Variants in BRINP3 observed in about 807,000 individuals in gnomAD.
BRINP3 encodes BMP/retinoic acid inducible neural specific 3.
BRINP3 carries 19 observed loss-of-function variants against 71.0 expected under a neutral mutation model. That is an observed-to-expected ratio of 0.27 (90% CI 0.19 to 0.39). The LOEUF is 0.39. Ranked by LOEUF, BRINP3 falls within the 10% of genes least tolerant of loss-of-function variation. The pLI, the probability that BRINP3 is intolerant of heterozygous loss-of-function variation, is 1.00. For missense variants in BRINP3, 959 were observed against 940.8 expected (o/e 1.02, Z -0.25); for synonymous variants, 380 against 337.7 (o/e 1.13, Z -1.37).
Position 190,098,465 on chromosome 1 carries a change from C to G in BRINP3, c.1854G>C (p.Trp618Cys). The G allele has an allele frequency of 6.2e-7, 1 of 1,614,134 alleles. No individual in the cohort carries two copies. Among genetic ancestry groups the G allele is most frequent in the African/African-American group, 1.3e-5 (1 of 75,030 alleles). ...TGTGTACTGTCTCAAAAAATGTCTT[C>G]CATTTGTTCCCCAGAGTTAATGTCC... is the stretch of plus-strand genomic sequence containing the variant. Reference protein sequence around the residue: ...YNWTLTLGNKWKTFFETVHIY... With the variant: ...YNWTLTLGNKCKTFFETVHIY... The change falls in exon 8 of 8, where the codon TGG becomes TGC. Residue 618 changes from tryptophan (W) to cysteine (C), a missense_variant. Transcript: ENST00000367462.
Position 190,226,965 on chromosome 1 carries a change from C to A in BRINP3, c.725-647G>T, listed in dbSNP as rs970529417. ...ATATAACTCATTAGTTTTCTAGAAACATGTTTAGTAAAGTTGCTATCTCTT... is the reference window on the plus strand; with the variant it reads ...ATATAACTCATTAGTTTTCTAGAAAAATGTTTAGTAAAGTTGCTATCTCTT... On this transcript the variant is annotated intron_variant, in intron 5 of 7. Transcript: ENST00000367462. Among the ~76,000 whole-genome samples the A allele has an allele frequency of 3.3e-5, 5 of 151,828 alleles. No individual in the cohort carries two copies. The Admixed American group carries it at 3.3e-4, about 10-fold the overall frequency.
chr1:190,337,250 A>G (rs10920698), intron 2 of BRINP3, among the ~76,000 whole-genome samples: 2,395 of 152,146 alleles, frequency 0.016, 58 homozygotes, highest in African/African-American at 0.054. Flanking sequence ...CCAGTTCCCT[A>G]TGCTTTGTTA....
At chr1:190,206,489 C>A (rs573472299) in intron 6 of BRINP3, among the ~76,000 whole-genome samples, 3 of 151,616 alleles carry the variant, frequency 2.0e-5, no homozygotes, top group Admixed American at 6.6e-5. Flanking sequence ...AGAAAAAAAA[C>A]GTGTATGTGT....
rs569706558 is a variant in BRINP3 at position 190,476,605 on chromosome 1, G to A, written c.-51+843C>T. 2.6e-5 allele frequency among the ~76,000 whole-genome samples: 4 copies of A among 152,252 alleles called. No homozygotes were observed. In the East Asian group the frequency reaches 7.7e-4, roughly 29 times the overall value. ...TATTAACATGCCTATTAAACACAAG[G>A]GTTGGGGGCAGACAAGTATGAAGAG... On this transcript the variant is annotated intron_variant, in intron 1 of 7. Transcript: ENST00000367462.
chr1:190,427,918 C>T (rs1442731434), intron 2 of BRINP3, among the ~76,000 whole-genome samples: 1 of 150,120 alleles, frequency 6.7e-6, no homozygotes, highest in East Asian at 2.0e-4. Context: ...CAAAAGACCA[C>T]AGTGTGTGCT....
chr1:190,218,743 C>T (rs1374690944), intron 6 of BRINP3, among the ~76,000 whole-genome samples: 2 of 152,028 alleles, frequency 1.3e-5, no homozygotes, highest in East Asian at 3.9e-4. Flanking sequence ...CCCCCACCCT[C>T]CTTGTCCCCT....
chr1:190,200,503 T>C (rs1021743224), intron 6 of BRINP3, among the ~76,000 whole-genome samples: 1 of 152,142 alleles, frequency 6.6e-6, no homozygotes, highest in Non-Finnish European at 1.5e-5. Flanking sequence ...ATATAACCTT[T>C]ATTTTTATAT....
intron 6 of BRINP3, among the ~76,000 whole-genome samples, chr1:190,211,628 A>G (rs1305930692): frequency 1.3e-5 from 2 of 152,132 alleles, no homozygotes; most frequent in Non-Finnish European, 2.9e-5. Context: ...GCCATCAAAA[A>G]ATGTCAAACT....
At chr1:190,470,470 T>C (rs1323780851) in intron 1 of BRINP3, among the ~76,000 whole-genome samples, 2 of 151,120 alleles carry the variant, frequency 1.3e-5, no homozygotes, top group Non-Finnish European at 3.0e-5. Context: ...GAATTTGTTT[T>C]GCTTTGGGTG....
At position 190,467,177 on chromosome 1, in the gene BRINP3, G is replaced by T. The variant is rs74130771; in HGVS notation, c.-51+10271C>A. ...AGTTATATTTACAGTATCAAAATTG[G>T]ACATGTGTGCAAATAAAATGAGTGA... is the stretch of plus-strand genomic sequence containing the variant. On this transcript the variant is annotated intron_variant, in intron 1 of 7. Transcript: ENST00000367462. Among the ~76,000 whole-genome samples, 567 of 151,430 alleles carry T rather than the reference G, an allele frequency of 3.7e-3. 4 individuals carry two copies. The highest frequency in any genetic ancestry group is 0.013 in the African/African-American group (527 of 41,438).
At chr1:190,466,502 G>C (rs755284806) in intron 1 of BRINP3, among the ~76,000 whole-genome samples, 12 of 151,774 alleles carry the variant, frequency 7.9e-5, no homozygotes, top group Non-Finnish European at 1.8e-4. Flanking sequence ...GATAAAAAGA[G>C]GTAGTACTTA....
intron 2 of BRINP3, among the ~76,000 whole-genome samples, chr1:190,316,750 A>C (rs1665908068): frequency 6.6e-6 from 1 of 152,160 alleles, no homozygotes; most frequent in Non-Finnish European, 1.5e-5. Flanking sequence ...CTAAGTCCTG[A>C]AAGAATTGTT....
At chr1:190,103,471 T>C (rs955433162) in intron 7 of BRINP3, among the ~76,000 whole-genome samples, 2 of 152,050 alleles carry the variant, frequency 1.3e-5, no homozygotes, top group Non-Finnish European at 2.9e-5. Context: ...GTGAACCAAG[T>C]TCCTGGGCCC....
intron 2 of BRINP3, among the ~76,000 whole-genome samples, chr1:190,370,276 A>C (rs1669775886): frequency 6.6e-6 from 1 of 152,192 alleles, no homozygotes; most frequent in South Asian, 2.1e-4. Flanking sequence ...AAAGTCTAAG[A>C]AGGAAATTAT....
chr1:190,445,520 AATTTG>A (rs1490918461), intron 2 of BRINP3, among the ~76,000 whole-genome samples: 6 of 152,038 alleles, frequency 3.9e-5, no homozygotes, highest in Admixed American at 1.3e-4. Flanking sequence ...TTTCTCATTA[AATTTG>A]ATTTAAGTAT....
chr1:190,168,192 G>A (rs1267185248), intron 6 of BRINP3, among the ~76,000 whole-genome samples: 1 of 143,126 alleles, frequency 7.0e-6, no homozygotes, highest in Non-Finnish European at 1.5e-5. Flanking sequence ...CCAGTGCCTT[G>A]AGGTCCTATT....
chr1:190,467,202 AC>A (rs1676816982), intron 1 of BRINP3, among the ~76,000 whole-genome samples: 1 of 151,562 alleles, frequency 6.6e-6, no homozygotes, highest in African/African-American at 2.4e-5. Flanking sequence ...AAAATGAGTG[AC>A]CAAGCATTAA....
intron 7 of BRINP3, among the ~76,000 whole-genome samples, chr1:190,140,523 T>C (rs1028019360): frequency 7.2e-5 from 11 of 152,284 alleles, no homozygotes; most frequent in Non-Finnish European, 1.0e-4. Flanking sequence ...ATTAATCTTA[T>C]GGCAAGCATA....
chr1:190,380,960 G>A (rs1670509850), intron 2 of BRINP3, among the ~76,000 whole-genome samples: 1 of 151,782 alleles, frequency 6.6e-6, no homozygotes, highest in South Asian at 2.1e-4. Flanking sequence ...TCTAAAACTA[G>A]GAAGTCCAGT....
Sources: gnomAD v4.1 joint callset for allele counts (sites outside exome capture counted in the v4.1 genomes callset) on GRCh38, gnomAD v4.1.1 for gene constraint, MANE v1.5 for transcripts, NCBI Gene and HGNC (gene_info 2026-07-23, HGNC 2026-07-21) for gene names.